Variants in MAPK4 observed in about 807,000 individuals in gnomAD.
MAPK4 encodes Erk3-related.
A neutral mutation model predicts 47.7 loss-of-function variants in MAPK4; 22 were observed. The observed-to-expected ratio is 0.46, with a 90% CI of 0.33 to 0.66. MAPK4 has a LOEUF of 0.66. Ranked by LOEUF, MAPK4 falls within the 30% of genes least tolerant of loss-of-function variation. MAPK4 has a pLI of 0.02. For missense variants in MAPK4, 736 were observed against 831.7 expected (o/e 0.88, Z 1.42); for synonymous variants, 390 against 365.7 (o/e 1.07, Z -0.76).
intron 1 of MAPK4, among the ~76,000 whole-genome samples, chr18:50,595,318 TAAAC>T (rs1235506321): frequency 6.6e-6 from 1 of 152,150 alleles, no homozygotes; most frequent in Non-Finnish European, 1.5e-5. Flanking sequence ...GCAGAATGGA[TAAAC>T]AAACTGTGGT....
In MAPK4 at chr18:50,586,791, A is replaced by G. The variant is rs533617661; in HGVS notation, c.-871+26548A>G. Among the ~76,000 whole-genome samples the G allele has an allele frequency of 6.6e-5, 10 of 152,260 alleles. No homozygotes were observed. In the East Asian group the frequency reaches 1.9e-3, roughly 29 times the overall value. ...GGGCAAGACCTCAAAATGTTCTGAA[A>G]ACAGTCACTCCAGGCAAATACTTTC... On this transcript the variant is annotated intron_variant, in intron 1 of 5. Transcript: ENST00000400384.
chr18:50,582,124 A>C (rs1379225022), intron 1 of MAPK4, among the ~76,000 whole-genome samples: 1 of 152,176 alleles, frequency 6.6e-6, no homozygotes, highest in East Asian at 1.9e-4. Flanking sequence ...GAACTTAAAC[A>C]AAATACTCTA....
chr18:50,665,979 A>T (rs575306563), intron 2 of MAPK4, among the ~76,000 whole-genome samples: 4 of 152,288 alleles, frequency 2.6e-5, no homozygotes, highest in African/African-American at 9.6e-5. Flanking sequence ...CCACCAAACC[A>T]AGGGTTTTAA....
At chr18:50,565,020 CTTGGGAAAGCAGTCT>C (rs918577472) in intron 1 of MAPK4, among the ~76,000 whole-genome samples, 13 of 152,286 alleles carry the variant, frequency 8.5e-5, no homozygotes, top group South Asian at 2.1e-4. Flanking sequence ...TCATTAGCTT[CTTGGGAAAGCAGTCT>C]TTGGGAAAGC....
intron 1 of MAPK4, among the ~76,000 whole-genome samples, chr18:50,657,290 G>A (rs1180845333): frequency 6.6e-6 from 1 of 152,208 alleles, no homozygotes; most frequent in African/African-American, 2.4e-5. Flanking sequence ...CCTCAACAGG[G>A]ATGGGTTTGG....
chr18:50,599,458 G>C (rs1314735377), intron 1 of MAPK4, among the ~76,000 whole-genome samples: 1 of 151,944 alleles, frequency 6.6e-6, no homozygotes, highest in African/African-American at 2.4e-5. Context: ...TCCCGCTGTC[G>C]CCCAGGTTGG....
At chr18:50,613,200 C>CTCCTATGA (rs2042655145) in intron 1 of MAPK4, among the ~76,000 whole-genome samples, 1 of 152,172 alleles carries the variant, frequency 6.6e-6, no homozygotes, top group African/African-American at 2.4e-5. Context: ...TGGGGTGTCA[C>CTCCTATGA]TCCTATGATC....
chr18:50,580,426 C>T (rs2042333387), intron 1 of MAPK4, among the ~76,000 whole-genome samples: 1 of 152,088 alleles, frequency 6.6e-6, no homozygotes, highest in Non-Finnish European at 1.5e-5. Context: ...CAAAGTTTGC[C>T]CTGATCAGGG....
intron 1 of MAPK4, among the ~76,000 whole-genome samples, chr18:50,644,840 TG>T (rs1197235459): frequency 6.6e-6 from 1 of 152,192 alleles, no homozygotes; most frequent in African/African-American, 2.4e-5. Context: ...CAAGCGACCT[TG>T]GAACCAGGCC....
At chr18:50,706,101 ACAT>A (rs1910037021) in intron 2 of MAPK4, 1 of 152,216 alleles carries the variant, frequency 6.6e-6, no homozygotes. Flanking sequence ...GGTGCCTGGC[ACAT>A]CATAATTTCT....
At chr18:50,586,265 G>A (rs2042387006) in intron 1 of MAPK4, among the ~76,000 whole-genome samples, 1 of 152,112 alleles carries the variant, frequency 6.6e-6, no homozygotes, top group South Asian at 2.1e-4. Context: ...GATTTGGCTA[G>A]CTCAACTTAG....
Position 50,664,609 on chromosome 18 carries a change from G to A in MAPK4, c.546+105G>A, listed in dbSNP as rs1907495925. Reference sequence around the variant, plus strand: ...GCTCCATGGTAGTCAGAGGACTAGAGTTAGTAATTAGGGGAGGCTGGAGGG... The same window carrying A: ...GCTCCATGGTAGTCAGAGGACTAGAATTAGTAATTAGGGGAGGCTGGAGGG... On this transcript the variant is annotated intron_variant, in intron 2 of 5. Coordinates refer to ENST00000400384, the MANE Select transcript of MAPK4 (RefSeq NM_002747.4). This position sits in a 1 kb window ranked among gnomAD's most constrained non-coding sequence, Gnocchi z 6.0. 2 of 1,298,652 alleles carry A rather than the reference G, an allele frequency of 1.5e-6. No individual in the cohort carries two copies. The highest frequency in any genetic ancestry group is 3.0e-5 in the African/African-American group (2 of 67,576). The allele number at this position is 1,298,652 out of a possible 1,614,324, so 80.4% of individuals were successfully genotyped here.
chr18:50,570,320 C>G (rs2042238607), intron 1 of MAPK4, among the ~76,000 whole-genome samples: 3 of 152,208 alleles, frequency 2.0e-5, no homozygotes. Flanking sequence ...CAGGCTGTTC[C>G]TAATAAGGCA....
intron 2 of MAPK4, among the ~76,000 whole-genome samples, chr18:50,694,196 A>G (rs890329750): frequency 9.2e-5 from 14 of 152,204 alleles, no homozygotes; most frequent in Admixed American, 7.9e-4. Context: ...GGCCATCAGA[A>G]TGACCTCCCT....
chr18:50,667,933 C>T (rs1907694968), intron 2 of MAPK4, among the ~76,000 whole-genome samples: 1 of 152,198 alleles, frequency 6.6e-6, no homozygotes, highest in Non-Finnish European at 1.5e-5. Flanking sequence ...ACTGCCCCCT[C>T]CTTCCCACGA....
intron 1 of MAPK4, among the ~76,000 whole-genome samples, chr18:50,653,843 C>G (rs2144217977): frequency 6.6e-6 from 1 of 152,330 alleles, no homozygotes; most frequent in East Asian, 1.9e-4. Context: ...GCCTGGGGAA[C>G]AAGGCAGGGA....
intron 1 of MAPK4, among the ~76,000 whole-genome samples, chr18:50,621,552 G>C (rs944874882): frequency 1.3e-5 from 2 of 152,104 alleles, no homozygotes; most frequent in African/African-American, 4.8e-5. Flanking sequence ...ATCCATTTTA[G>C]CTGACTCTCC....
intron 1 of MAPK4, among the ~76,000 whole-genome samples, chr18:50,572,004 G>A (rs1598783318): frequency 6.6e-6 from 1 of 152,216 alleles, no homozygotes; most frequent in Non-Finnish European, 1.5e-5. Flanking sequence ...GATGATTACT[G>A]TAAATCACAT....
intron 2 of MAPK4, among the ~76,000 whole-genome samples, chr18:50,673,749 G>A (rs1007435599): frequency 1.1e-4 from 17 of 152,206 alleles, no homozygotes; most frequent in African/African-American, 3.6e-4. Flanking sequence ...CCAGCTACTC[G>A]GGAGGCTGAG....
Sources: gnomAD v4.1 joint callset for allele counts (sites outside exome capture counted in the v4.1 genomes callset) on GRCh38, gnomAD v4.1.1 for gene constraint, Gnocchi (gnomAD v3.1) non-coding constraint, MANE v1.5 for transcripts, NCBI Gene and HGNC (gene_info 2026-07-23, HGNC 2026-07-21) for gene names.